Variants in MIOS observed in about 807,000 individuals in gnomAD.
MIOS encodes the protein meiosis regulator for oocyte development, also known as GATOR2 complex protein MIOS.
A neutral mutation model predicts 96.9 loss-of-function variants in MIOS; 52 were observed. The ratio of observed to expected loss-of-function variants is 0.54; its 90% CI spans 0.43 to 0.68. The LOEUF (loss-of-function observed/expected upper bound fraction) is 0.68, where lower values mean the gene tolerates loss of function less well. Among genes scored for constraint, MIOS ranks in the 30% least tolerant of loss-of-function variants. The pLI is 0.00. For missense variants in MIOS, 1,005 were observed against 1,052.8 expected, an observed-to-expected ratio of 0.95 and a Z score of 0.63; for synonymous variants, 397 against 359.5, an observed-to-expected ratio of 1.10 and a Z score of -1.18.
At chr7:7,584,899 T>G (rs1783837269) in intron 6 of MIOS, among the ~76,000 whole-genome samples, 1 of 152,166 alleles carries the variant, frequency 6.6e-6, no homozygotes, top group Non-Finnish European at 1.5e-5. Flanking sequence ...AAAAGACTAT[T>G]GGTAACAAAT....
intron 9 of MIOS, among the ~76,000 whole-genome samples, chr7:7,591,808 G>A (rs903845641): frequency 8.6e-5 from 13 of 151,936 alleles, no homozygotes; most frequent in African/African-American, 3.1e-4. Context: ...CAGCAGATTT[G>A]GGAAGTACGG....
At chr7:7,604,463 A>T (rs1055765271) in intron 11 of MIOS, among the ~76,000 whole-genome samples, 1 of 152,218 alleles carries the variant, frequency 6.6e-6, no homozygotes, top group African/African-American at 2.4e-5. Context: ...ACAAATGTTT[A>T]TTTGGTACCT....
chr7:7,595,146 T>C lies in MIOS; in HGVS notation c.2196+14T>C. On this transcript the variant is annotated intron_variant, in intron 10 of 12. Transcript: ENST00000340080. ...CCTTTAGCACAAGTAAGTACATTGT[T>C]TTGGAGAAAATCAAATTGTAACATG... 6.3e-7 allele frequency: 1 copy of C among 1,595,884 alleles called. No individual in the cohort carries two copies. Among genetic ancestry groups the C allele is most frequent in the Non-Finnish European group, 8.5e-7 (1 of 1,174,432 alleles).
At chr7:7,585,612 T>G in intron 6 of MIOS, 24 bp from the exon 7 acceptor site, 3 of 1,555,866 alleles carry the variant, frequency 1.9e-6, no homozygotes, top group Non-Finnish European at 2.6e-6. Context: ...TCACTTTGAT[T>G]AGCTGGCTGT....
intron 11 of MIOS, 108 bp from the exon 12 acceptor site, chr7:7,605,834 A>G: frequency 1.8e-6 from 2 of 1,120,860 alleles, no homozygotes; most frequent in African/African-American, 1.6e-5. Flanking sequence ...CTATTTCAAT[A>G]TGATGTGTGA....
At chr7:7,593,901 A>AAAAAAAAAAAAAAAAAAAAAAC (rs376486803) in intron 9 of MIOS, among the ~76,000 whole-genome samples, 5 of 145,038 alleles carry the variant, frequency 3.4e-5, no homozygotes, top group South Asian at 2.2e-4. Flanking sequence ...AAAAAGAAAA[A>AAAAAAAAAAAAAAAAAAAAAAC]GAAAAGAAAA....
Position 7,607,153 on chromosome 7 carries a change from G to A in MIOS, c.*61G>A. ...AGCTTTCTAGTAGGTGTCCTTCATA[G>A]CTCAGAAACATACCTCAGAACAAGC... On this transcript the variant is annotated 3_prime_UTR_variant, in exon 13 of 13. Coordinates refer to ENST00000340080, the MANE Select transcript of MIOS (RefSeq NM_019005.4). The A allele has an allele frequency of 3.9e-6, 5 of 1,290,934 alleles. No individual in the cohort carries two copies. The highest frequency in any genetic ancestry group is 5.5e-6 in the Non-Finnish European group (5 of 912,280). The allele number at this position is 1,290,934 out of a possible 1,614,324, so 80.0% of individuals were successfully genotyped here.
chr7:7,569,789 G>A (rs990465144), intron 3 of MIOS, among the ~76,000 whole-genome samples: 2 of 152,176 alleles, frequency 1.3e-5, no homozygotes, highest in Non-Finnish European at 2.9e-5. Context: ...CGTCAAGGTT[G>A]AGCAGGTATT....
intron 12 of MIOS, 143 bp from the exon 13 acceptor site, chr7:7,606,853 A>C (rs531192027): frequency 1.6e-6 from 1 of 616,400 alleles, no homozygotes; most frequent in African/African-American, 1.9e-5. Flanking sequence ...CAGGAGGCTG[A>C]GGCAGGAGGA....
intron 5 of MIOS, among the ~76,000 whole-genome samples, chr7:7,579,084 T>C (rs1216084670): frequency 6.6e-6 from 1 of 152,234 alleles, no homozygotes; most frequent in Non-Finnish European, 1.5e-5. Context: ...CTGTTATTTA[T>C]GTATAGGACA....
chr7:7,589,292 CTT>C (rs1470548690), intron 8 of MIOS, 111 bp from the exon 9 acceptor site: 2 of 886,970 alleles, frequency 2.3e-6, no homozygotes, highest in Non-Finnish European at 3.3e-6. Context: ...TTAGTAAAGT[CTT>C]TTGTTTTAAA....
chr7:7,606,047 C>T lies in MIOS; in HGVS notation c.2507C>T (p.Ala836Val). ...CATAATTGCAGGCACGGTGGACATG[C>T]TGGACATATGCTTAGTTGGTTCAGG... ...WCHNCRHGGH[A>V]GHMLSWFRDH... Residue 836 changes from alanine (A) to valine (V), a missense_variant, in exon 12 of 13, where the codon GCT becomes GTT. Physicochemically the swap from Ala to Val is moderately conservative, Grantham distance 64. Coordinates refer to ENST00000340080, the MANE Select transcript of MIOS (RefSeq NM_019005.4). 2.5e-6 allele frequency: 4 copies of T among 1,613,888 alleles called. No homozygotes were observed. Among genetic ancestry groups the T allele is most frequent in the Non-Finnish European group, 3.4e-6 (4 of 1,179,846 alleles).
chr7:7,577,602 G>A (rs534083790), intron 5 of MIOS, among the ~76,000 whole-genome samples: 2 of 152,276 alleles, frequency 1.3e-5, no homozygotes, highest in East Asian at 1.9e-4. Context: ...GTGAAGCGAA[G>A]TTCCTAGAAA....
rs1269090420 is a variant in MIOS at position 7,572,796 on chromosome 7, G to C, written c.321G>C (p.Glu107Asp). The C allele has an allele frequency of 2.5e-6, 4 of 1,613,988 alleles. No individual in the cohort carries two copies. The highest frequency in any genetic ancestry group is 2.7e-5 in the African/African-American group (2 of 74,928). ...NSKFKDLIGKEFVPKHARQCN... is the reference protein window; with the variant it reads ...NSKFKDLIGKDFVPKHARQCN... ...AGTTCAAAGATTTGATAGGAAAAGA[G>C]TTTGTTCCAAAACATGCACGACAAT... The change falls in exon 4 of 13, where the codon GAG (glutamate) becomes GAC (aspartate). Residue 107 changes from glutamate to aspartate, a missense_variant. Glu to Asp is a conservative substitution (Grantham distance 45). Coordinates refer to ENST00000340080, the MANE Select transcript of MIOS (RefSeq NM_019005.4). The surrounding 1 kb of genome is among the most constrained non-coding windows in gnomAD (Gnocchi z 4.8).
intron 9 of MIOS, among the ~76,000 whole-genome samples, chr7:7,593,879 C>CAAAAAAAAA (rs35986278): frequency 2.1e-4 from 10 of 47,848 alleles, no homozygotes; most frequent in African/African-American, 2.6e-4. Flanking sequence ...ACTCTGTCTC[C>CAAAAAAAAA]AAAAAAAAAA....
chr7:7,581,905 A>G (rs188984128), intron 5 of MIOS: 1 of 151,458 alleles, frequency 6.6e-6, no homozygotes, highest in Admixed American at 6.7e-5. Flanking sequence ...AAGGGCCTTA[A>G]TTATATCTGC....
At position 7,572,345 on chromosome 7, in the gene MIOS, A is replaced by G; in HGVS notation, c.-40-91A>G. 2 of 594,442 alleles carry G rather than the reference A, an allele frequency of 3.4e-6. No individual in the cohort carries two copies. The highest frequency in any genetic ancestry group is 5.6e-6 in the Non-Finnish European group (2 of 356,590). The allele number at this position is 594,442 out of a possible 1,614,324, so 36.8% of individuals were successfully genotyped here. A position where few individuals can be genotyped will look rare whatever the true frequency, so the allele number is the denominator to read the frequency against. On this transcript the variant is annotated intron_variant, in intron 3 of 12. Transcript: ENST00000340080. The surrounding 1 kb of genome is among the most constrained non-coding windows in gnomAD (Gnocchi z 4.8). ...ATATTGAAAAAGAGGGTTCTTGAAT[A>G]GAGAATTTTCTGACTTTCTGAATAG...
At position 7,571,981 on chromosome 7, in the gene MIOS, T is replaced by C. The variant is rs542971238; in HGVS notation, c.-40-455T>C. On this transcript the variant is annotated intron_variant, in intron 3 of 12. Transcript: ENST00000340080. Reference sequence around the variant, plus strand: ...CTACATGTGGCTAGTGGCTACCATATTGGACAGCATGAACATGAAACATTT... The same window carrying C: ...CTACATGTGGCTAGTGGCTACCATACTGGACAGCATGAACATGAAACATTT... Among the ~76,000 whole-genome samples the C allele has an allele frequency of 2.6e-5, 4 of 152,346 alleles. No homozygotes were observed. In the South Asian group the frequency reaches 6.2e-4, roughly 24 times the overall value.
chr7:7,569,533 G>C (rs1783276658), intron 3 of MIOS, among the ~76,000 whole-genome samples: 1 of 152,192 alleles, frequency 6.6e-6, no homozygotes, highest in South Asian at 2.1e-4. Flanking sequence ...TGTGAGAAGT[G>C]TCAGAGGGAT....
Sources: allele counts gnomAD v4.1 joint callset (sites outside exome capture counted in the v4.1 genomes callset), GRCh38; gene constraint gnomAD v4.1.1; non-coding constraint Gnocchi (gnomAD v3.1); transcripts MANE v1.5; gene names NCBI Gene and HGNC (gene_info 2026-07-23, HGNC 2026-07-21).